EGFLAM: variants seen among roughly 807,000 people sequenced by gnomAD.
EGFLAM encodes pikachurin.
EGFLAM carries 79 observed loss-of-function variants against 113.1 expected under a neutral mutation model. The observed-to-expected ratio is 0.70, with a 90% confidence interval of 0.58 to 0.84. The LOEUF (loss-of-function observed/expected upper bound fraction) is 0.84, where lower values mean the gene tolerates loss of function less well. Ranked by LOEUF, EGFLAM falls within the 40% of genes least tolerant of loss-of-function variation. EGFLAM has a pLI of 0.00. For missense variants in EGFLAM, 1,265 were observed against 1,291.6 expected (o/e 0.98, Z 0.32); for synonymous variants, 504 against 487.6 (o/e 1.03, Z -0.44).
chr5:38,413,514 C>T (rs1579895385), intron 11 of EGFLAM, among the ~76,000 whole-genome samples: 1 of 151,926 alleles, frequency 6.6e-6, no homozygotes, highest in East Asian at 1.9e-4. Flanking sequence ...GACTGTTGGG[C>T]TACTCAGCAA....
At chr5:38,410,437 G>T (rs1433224631) in intron 10 of EGFLAM, among the ~76,000 whole-genome samples, 1 of 152,082 alleles carries the variant, frequency 6.6e-6, no homozygotes. Context: ...TCCTCTTCAG[G>T]GTAAGCCTGT....
In EGFLAM at chr5:38,378,110, A is replaced by G. The variant is rs1426367976; in HGVS notation, c.712+7648A>G. ...CACAGTTTCAGAAACATACTCTTCC[A>G]CTGAGCTGAGACAAACTCCCTCTGG... On this transcript the variant is annotated intron_variant, in intron 6 of 21. Transcript: ENST00000322350. Among the ~76,000 whole-genome samples, 4 of 152,186 alleles carry G rather than the reference A, an allele frequency of 2.6e-5. No homozygotes were observed. In the East Asian group the frequency reaches 7.7e-4, roughly 29 times the overall value.
At chr5:38,394,359 T>C (rs1488577373) in intron 6 of EGFLAM, among the ~76,000 whole-genome samples, 1 of 152,032 alleles carries the variant, frequency 6.6e-6, no homozygotes. Flanking sequence ...CAATTCCTTC[T>C]TGTGTTACGT....
Position 38,452,594 on chromosome 5 carries a change from C to T in EGFLAM, c.2687+1136C>T, listed in dbSNP as rs933183383. Among the ~76,000 whole-genome samples, 3 of 152,160 alleles carry T rather than the reference C, an allele frequency of 2.0e-5. No homozygotes were observed. The East Asian group carries it at 5.8e-4, about 29-fold the overall frequency. Reference sequence around the variant, plus strand: ...GTACTCAGCCTAAGACTCAGCAGCTCAGGGAGGTCTAAAACCCTAAGCTCC... The same window carrying T: ...GTACTCAGCCTAAGACTCAGCAGCTTAGGGAGGTCTAAAACCCTAAGCTCC... On this transcript the variant is annotated intron_variant, in intron 19 of 21. Transcript: ENST00000322350.
Position 38,407,868 on chromosome 5 carries a change from AT to A in EGFLAM, c.1213del (p.Ser405LeufsTer57). On this transcript the variant is annotated frameshift_variant, in exon 9 of 22. Transcript: ENST00000322350. LOFTEE classifies it high-confidence loss of function. Reference protein sequence around the residue: ...HSYVTFEPLKNSYQAFQITLE... With the variant: ...HSYVTFEPLKXSYQAFQITLE... ...TATGTAACGTTTGAACCTCTGAAGA[AT>A]TCTTATCAGGCATTTCAAATTACTC... is the stretch of plus-strand genomic sequence containing the variant. The A allele has an allele frequency of 6.2e-7, 1 of 1,613,876 alleles. No individual in the cohort carries two copies. The highest frequency in any genetic ancestry group is 8.5e-7 in the Non-Finnish European group (1 of 1,179,746).
chr5:38,345,579 A>T (rs1739454464), intron 3 of EGFLAM: 1 of 152,200 alleles, frequency 6.6e-6, no homozygotes, highest in Admixed American at 6.5e-5. Flanking sequence ...ACTCAGCTTC[A>T]CCCAAAAAAT....
rs899559792 is a variant in EGFLAM, at chr5:38,403,760, C to T, written c.713-2366C>T. The T allele has an allele frequency of 9.6e-6, 15 of 1,567,478 alleles. No individual in the cohort carries two copies. In the South Asian group the frequency reaches 1.3e-4, roughly 13 times the overall value. On this transcript the variant is annotated intron_variant, in intron 6 of 21. Coordinates refer to ENST00000322350, the MANE Select transcript of EGFLAM (RefSeq NM_152403.4). The stretch of plus-strand genomic sequence containing the variant: ...AATGAAATTGCAGAAAGCAAAAATA[C>T]AGATAAGGGGGACTGCTTGCTGTAC...
At chr5:38,379,198 C>A (rs114444595) in intron 6 of EGFLAM, among the ~76,000 whole-genome samples, 2 of 151,970 alleles carry the variant, frequency 1.3e-5, no homozygotes, top group Non-Finnish European at 2.9e-5. Context: ...GGAGGGAAGA[C>A]TTTCCCTTTA....
chr5:38,275,471 A>C (rs1384756861), intron 1 of EGFLAM, among the ~76,000 whole-genome samples: 1 of 152,232 alleles, frequency 6.6e-6, no homozygotes, highest in Non-Finnish European at 1.5e-5. Context: ...AAAAGAGACA[A>C]AAAAGGTCGG....
At chr5:38,463,341 A>T (rs1389911019) in intron 21 of EGFLAM, among the ~76,000 whole-genome samples, 1 of 152,228 alleles carries the variant, frequency 6.6e-6, no homozygotes, top group Non-Finnish European at 1.5e-5. Flanking sequence ...GAATAGAATG[A>T]CTAGTATTTC....
intron 1 of EGFLAM, among the ~76,000 whole-genome samples, chr5:38,283,148 G>A (rs892064234): frequency 6.6e-6 from 1 of 152,090 alleles, no homozygotes; most frequent in Non-Finnish European, 1.5e-5. Context: ...GGGATTTTCA[G>A]TGGGGAAGAA....
intron 18 of EGFLAM, among the ~76,000 whole-genome samples, chr5:38,450,328 T>C (rs2561805): frequency 0.29 from 43,737 of 152,102 alleles, 10,195 homozygotes; most frequent in African/African-American, 0.65. Context: ...TCCCTCACTG[T>C]TCTGAGGCCC....
intron 1 of EGFLAM, among the ~76,000 whole-genome samples, chr5:38,279,572 T>C (rs1757967237): frequency 6.6e-6 from 1 of 152,158 alleles, no homozygotes; most frequent in Non-Finnish European, 1.5e-5. Flanking sequence ...TGCAACAACA[T>C]GGATGAACCT....
chr5:38,440,581 T>TC (rs1192297666), intron 17 of EGFLAM, among the ~76,000 whole-genome samples: 2 of 152,178 alleles, frequency 1.3e-5, no homozygotes, highest in African/African-American at 2.4e-5. Flanking sequence ...TTTGCGTAAA[T>TC]CCTTGGTTTG....
chr5:38,399,102 C>G (rs1355338452), intron 6 of EGFLAM, among the ~76,000 whole-genome samples: 1 of 152,112 alleles, frequency 6.6e-6, no homozygotes, highest in East Asian at 1.9e-4. Context: ...TCTGTCCAGT[C>G]CAGACTATGG....
chr5:38,313,091 CA>C (rs921012336), intron 1 of EGFLAM, among the ~76,000 whole-genome samples: 2 of 150,914 alleles, frequency 1.3e-5, no homozygotes, highest in African/African-American at 2.4e-5. Flanking sequence ...GACTCTGTCT[CA>C]AAAAAAATAA....
chr5:38,445,651 T>G, intron 17 of EGFLAM: 1 of 1,598,484 alleles, frequency 6.3e-7, no homozygotes. Flanking sequence ...TGACTCTCCC[T>G]GTTCTCTTTC....
chr5:38,343,972 A>G (rs1448875636), intron 3 of EGFLAM, among the ~76,000 whole-genome samples: 1 of 152,208 alleles, frequency 6.6e-6, no homozygotes, highest in African/African-American at 2.4e-5. Context: ...CAAGTGCTCT[A>G]TTCAATTCAT....
chr5:38,400,949 T>G (rs1280024705), intron 6 of EGFLAM: 1 of 152,208 alleles, frequency 6.6e-6, no homozygotes, highest in African/African-American at 2.4e-5. Context: ...GATTCCATAT[T>G]CCTTTTCCCC....
Sources: allele counts gnomAD v4.1 joint callset (sites outside exome capture counted in the v4.1 genomes callset), GRCh38; gene constraint gnomAD v4.1.1; transcripts MANE v1.5; gene names NCBI Gene and HGNC (gene_info 2026-07-23, HGNC 2026-07-21).